Variants in CENPE observed in about 807,000 individuals in gnomAD.
CENPE encodes the protein centromere-associated protein E.
Under a neutral mutation model 336.1 loss-of-function variants are expected in CENPE, and 145 were observed. The observed-to-expected ratio is 0.43, with a 90% CI of 0.38 to 0.50. CENPE has a LOEUF of 0.50. CENPE is among the 20% of genes least tolerant of loss of function. The pLI, the probability that CENPE is intolerant of heterozygous loss-of-function variation, is 0.00. For synonymous variants in CENPE, 1,013 were observed against 984.8 expected (o/e 1.03, Z -0.54); for missense variants, 2,719 against 3,023.3 (o/e 0.90, Z 2.36).
intron 15 of CENPE, among the ~76,000 whole-genome samples, chr4:103,175,460 T>C (rs1404393236): frequency 6.6e-6 from 1 of 152,018 alleles, no homozygotes; most frequent in African/African-American, 2.4e-5. Context: ...TAACTAACAA[T>C]AATAAGTAGT....
intron 16 of CENPE, among the ~76,000 whole-genome samples, chr4:103,164,553 A>G (rs929382036): frequency 6.6e-6 from 1 of 152,154 alleles, no homozygotes; most frequent in South Asian, 2.1e-4. Context: ...CCTAGTAGGC[A>G]CATTAAACCT....
chr4:103,172,225 A>G lies in CENPE; in HGVS notation c.1647+2511T>C, dbSNP rs113441427. The stretch of plus-strand genomic sequence containing the variant: ...CCTGAACAAAATACTATAAAACTGA[A>G]TTTAACAGCACATTTAAAAGATAAT... On this transcript the variant is annotated intron_variant, in intron 16 of 48. Coordinates refer to ENST00000265148, the MANE Select transcript of CENPE (RefSeq NM_001813.3). 8.0e-3 allele frequency among the ~76,000 whole-genome samples: 1,220 copies of G among 152,192 alleles called. 23 individuals are homozygous for G. The highest frequency in any genetic ancestry group is 0.028 in the African/African-American group (1,179 of 41,552).
At chr4:103,167,151 A>G (rs548838701) in intron 16 of CENPE, among the ~76,000 whole-genome samples, 15 of 152,324 alleles carry the variant, frequency 9.8e-5, no homozygotes, top group Admixed American at 7.8e-4. Context: ...TTAGAAACAT[A>G]CTTTCTAAAG....
At chr4:103,123,181 C>T (rs1750791743) in intron 42 of CENPE, 92 bp from the exon 43 acceptor site, 3 of 932,396 alleles carry the variant, frequency 3.2e-6, no homozygotes, top group Middle Eastern at 6.5e-4. Flanking sequence ...TTCAGTTACC[C>T]TCAGTCAAAA....
In CENPE at chr4:103,153,532, G is replaced by A. The variant is rs1306691885; in HGVS notation, c.3034-282C>T. Among the ~76,000 whole-genome samples the A allele has an allele frequency of 3.3e-5, 5 of 152,120 alleles. No homozygotes were observed. In the East Asian group the frequency reaches 5.8e-4, roughly 18 times the overall value. ...CTGGCTCCAAAGTTTGTGCTCTTACGTCTGTTCACTAATCAGAACAATATG... is the reference window on the plus strand; with the variant it reads ...CTGGCTCCAAAGTTTGTGCTCTTACATCTGTTCACTAATCAGAACAATATG... On this transcript the variant is annotated intron_variant, in intron 24 of 48. Transcript: ENST00000265148.
At chr4:103,170,496 A>G (rs1347500753) in intron 16 of CENPE, among the ~76,000 whole-genome samples, 1 of 152,190 alleles carries the variant, frequency 6.6e-6, no homozygotes, top group African/African-American at 2.4e-5. Flanking sequence ...TAACTGTAAG[A>G]CTTTTTCTTG....
intron 41 of CENPE, among the ~76,000 whole-genome samples, chr4:103,133,481 G>C (rs1751792590): frequency 6.6e-6 from 1 of 152,176 alleles, no homozygotes; most frequent in South Asian, 2.1e-4. Context: ...AGCGGTTTCT[G>C]ACTCCCAGCA....
chr4:103,183,941 T>G (rs1756534253), intron 9 of CENPE, among the ~76,000 whole-genome samples: 1 of 152,314 alleles, frequency 6.6e-6, no homozygotes, highest in East Asian at 1.9e-4. Flanking sequence ...AATTTCCATA[T>G]CGGTAAACAC....
In CENPE at chr4:103,161,231, G is replaced by A. The variant is rs764680479; in HGVS notation, c.1986C>T (p.Tyr662=). 24 of 1,608,756 alleles carry A rather than the reference G, an allele frequency of 1.5e-5. No individual in the cohort carries two copies. The South Asian group carries it at 2.4e-4, about 16-fold the overall frequency. The part of the protein sequence containing the change: ...KEKMKELATT[Y]KQMENDIQLY... ...ACTGAATATCATTTTCCATTTGCTT[G>A]TATGTAGTTGCAAGTTCTTTCTATT... Residue 662 remains tyrosine, a synonymous_variant, in exon 20 of 49, where the codon TAC becomes TAT. Transcript: ENST00000265148.
At position 103,111,028 on chromosome 4, in the gene CENPE, T is replaced by C. The variant is rs770663978; in HGVS notation, c.7541-17A>G. 4 of 1,514,116 alleles carry C rather than the reference T, an allele frequency of 2.6e-6. No individual in the cohort carries two copies. Among genetic ancestry groups the C allele is most frequent in the East Asian group, 2.3e-5 (1 of 43,304 alleles). 93.8% of individuals were successfully genotyped at this position (1,514,116 alleles called of 1,614,324 possible). A position where few individuals can be genotyped will look rare whatever the true frequency, so the allele number is the denominator to read the frequency against. On this transcript the variant is annotated splice_polypyrimidine_tract_variant and intron_variant, in intron 46 of 48. Coordinates refer to ENST00000265148, the MANE Select transcript of CENPE (RefSeq NM_001813.3). ...CTGATATCACTGTGGGAGGAAAATATACAAATAGGTGATAATTTTAATTGT... is the reference window on the plus strand; with the variant it reads ...CTGATATCACTGTGGGAGGAAAATACACAAATAGGTGATAATTTTAATTGT...
At chr4:103,109,244 G>A (rs561318222) in intron 47 of CENPE, among the ~76,000 whole-genome samples, 155 bp from the exon 48 acceptor site, 3 of 152,118 alleles carry the variant, frequency 2.0e-5, no homozygotes, top group East Asian at 1.9e-4. Context: ...TCAACCTCAT[G>A]CTTCCTGTTT....
intron 25 of CENPE, 112 bp downstream of exon 25, chr4:103,152,935 A>T: frequency 1.3e-6 from 1 of 772,210 alleles, no homozygotes; most frequent in Non-Finnish European, 2.0e-6. Flanking sequence ...CAGACCATAC[A>T]CTTCCACCAG....
At chr4:103,163,080 T>C in intron 18 of CENPE, 57 bp downstream of exon 18, 1 of 1,457,582 alleles carries the variant, frequency 6.9e-7, no homozygotes, top group East Asian at 2.3e-5. Flanking sequence ...TTTGCTAAGA[T>C]GATGGTATGC....
In CENPE at chr4:103,190,895, T is replaced by C. The variant is rs547660019; in HGVS notation, c.693+3334A>G. On this transcript the variant is annotated intron_variant, in intron 8 of 48. Coordinates refer to ENST00000265148, the MANE Select transcript of CENPE (RefSeq NM_001813.3). Reference sequence around the variant, plus strand: ...GGAGAAAATTTTTGCAATCTACTCATCTGACAAAGGGCTAATATCCAGAAT... The same window carrying C: ...GGAGAAAATTTTTGCAATCTACTCACCTGACAAAGGGCTAATATCCAGAAT... Among the ~76,000 whole-genome samples the C allele has an allele frequency of 4.4e-4, 66 of 151,144 alleles. 1 individual carries two copies. The South Asian group carries it at 9.0e-3, about 21-fold the overall frequency.
At chr4:103,113,278 A>G (rs1315597074) in intron 46 of CENPE, among the ~76,000 whole-genome samples, 2 of 142,448 alleles carry the variant, frequency 1.4e-5, no homozygotes, top group Admixed American at 7.3e-5. Context: ...ATATATGTAT[A>G]TATTAGAAAA....
At chr4:103,151,947 T>A (rs2125945695) in intron 25 of CENPE, among the ~76,000 whole-genome samples, 1 of 152,250 alleles carries the variant, frequency 6.6e-6, no homozygotes, top group African/African-American at 2.4e-5. Flanking sequence ...AAGGAGACAA[T>A]CCCCAAAACT....
intron 16 of CENPE, 66 bp downstream of exon 16, chr4:103,174,670 G>GA (rs1172611395): frequency 2.4e-5 from 28 of 1,164,700 alleles, no homozygotes; most frequent in Non-Finnish European, 3.0e-5. Context: ...TTACATTATA[G>GA]AAAAAAGAGA....
At chr4:103,151,726 A>C (rs1753588127) in intron 25 of CENPE, among the ~76,000 whole-genome samples, 1 of 152,186 alleles carries the variant, frequency 6.6e-6, no homozygotes, top group Admixed American at 6.5e-5. Flanking sequence ...TTTTTCAAAC[A>C]CTGGGATGGC....
At position 103,139,938 on chromosome 4, in the gene CENPE, C is replaced by A. The variant is rs1033161789; in HGVS notation, c.6055G>T (p.Asp2019Tyr). ...QNLSMQSVRMDNFQLTKKLHE... is the reference protein window; with the variant it reads ...QNLSMQSVRMYNFQLTKKLHE... ...AGTTTCTTAGTCAACTGGAAGTTAT[C>A]CATTCTCACACTTTGCATAGATAAG... The change falls in exon 38 of 49, where the codon GAT becomes TAT. Residue 2019 changes from aspartate to tyrosine, a missense_variant. By Grantham distance (160) the Asp-to-Tyr change is radical (BLOSUM62 -3). Transcript: ENST00000265148. 1.2e-6 allele frequency: 2 copies of A among 1,613,366 alleles called. No homozygotes were observed. The highest frequency in any genetic ancestry group is 1.7e-6 in the Non-Finnish European group (2 of 1,179,648).
Sources: allele counts gnomAD v4.1 joint callset (sites outside exome capture counted in the v4.1 genomes callset), GRCh38; gene constraint gnomAD v4.1.1; transcripts MANE v1.5; gene names NCBI Gene and HGNC (gene_info 2026-07-23, HGNC 2026-07-21).